The following CTDSP1 variants were observed in gnomAD, a reference collection of about 807,000 sequenced individuals.
CTDSP1 encodes the protein carboxy-terminal domain RNA polymerase II polypeptide A small phosphatase 1.
Under a neutral mutation model 32.5 loss-of-function variants are expected in CTDSP1, and 15 were observed. The observed-to-expected ratio is 0.46, with a 90% CI of 0.31 to 0.71. CTDSP1 has a LOEUF of 0.71. CTDSP1 is among the 30% of genes least tolerant of loss of function. The pLI is 0.05. For missense variants in CTDSP1, 294 were observed against 351.1 expected (o/e 0.84, Z 1.30); for synonymous variants, 185 against 145.4 (o/e 1.27, Z -1.96).
chr2:218,402,259 T>C (rs2106367485), intron 3 of CTDSP1, 44 bp downstream of exon 3: 1 of 1,604,210 alleles, frequency 6.2e-7, no homozygotes, highest in African/African-American at 1.3e-5. Context: ...TCGGGGGGCA[T>C]CCCCCACCCT....
intron 4 of CTDSP1, 114 bp downstream of exon 4, chr2:218,402,519 G>C (rs1697202402): frequency 1.8e-6 from 2 of 1,088,750 alleles, no homozygotes; most frequent in Non-Finnish European, 2.8e-6. Context: ...AATGTCAGAG[G>C]CCCAGAGAGG....
upstream of CTDSP1, chr2:218,398,386 G>A (rs987594032): frequency 1.3e-6 from 2 of 1,533,892 alleles, no homozygotes; most frequent in Non-Finnish European, 1.7e-6. Context: ...CGCCAGCAGC[G>A]TGTGGCGATC....
chr2:218,401,723 G>A lies in CTDSP1; in HGVS notation c.216+11G>A, dbSNP rs761474879. The stretch of plus-strand genomic sequence containing the variant: ...GGCGCCATCCCTAAGGTGCGTGGGG[G>A]CCAGGTGGGGCCACGGGGGCACCTG... On this transcript the variant is annotated intron_variant, in intron 2 of 6. Coordinates refer to ENST00000273062, the MANE Select transcript of CTDSP1 (RefSeq NM_021198.3). 2 of 1,544,700 alleles carry A rather than the reference G, an allele frequency of 1.3e-6. No individual in the cohort carries two copies. The highest frequency in any genetic ancestry group is 1.4e-5 in the African/African-American group (1 of 72,592).
rs1168068647 is a variant in CTDSP1 at position 218,405,904 on chromosome 2, C to T, written c.*1479C>T. The T allele has an allele frequency of 6.5e-6, 1 of 152,898 alleles. No homozygotes were observed. Among genetic ancestry groups the T allele is most frequent in the African/African-American group, 2.4e-5 (1 of 41,446 alleles). The allele number at this position is 152,898 out of a possible 1,614,324, so 9.5% of individuals were successfully genotyped here. On this transcript the variant is annotated 3_prime_UTR_variant, in exon 7 of 7. Coordinates refer to ENST00000273062, the MANE Select transcript of CTDSP1 (RefSeq NM_021198.3). ...AGTGCCTTCTCTGTGACTGAGAGCC[C>T]TAGTGTGATGAGAACTAAAGAGAAA...
At chr2:218,398,594 G>T (rs1574790355), upstream of CTDSP1, 2 of 650,392 alleles carry the variant, frequency 3.1e-6, no homozygotes, top group Non-Finnish European at 4.7e-6. Context: ...CCCGCGCGGG[G>T]CCTCCCCTCC....
At position 218,403,312 on chromosome 2, in the gene CTDSP1, C is replaced by T. The variant is rs746384440; in HGVS notation, c.552C>T (p.His184=). Residue 184 remains histidine, a synonymous_variant, in exon 6 of 7, where the codon CAC becomes CAT. Transcript: ENST00000273062. ...ARLFRESCVF[H]RGNYVKDLSR... ...TGTTTCGAGAGTCCTGCGTCTTCCACCGGGGGAACTACGTGAAGGACCTGA... is the reference window on the plus strand; with the variant it reads ...TGTTTCGAGAGTCCTGCGTCTTCCATCGGGGGAACTACGTGAAGGACCTGA... The T allele has an allele frequency of 6.2e-7, 1 of 1,614,158 alleles. No homozygotes were observed. The highest frequency in any genetic ancestry group is 1.1e-5 in the South Asian group (1 of 91,080).
Position 218,404,581 on chromosome 2 carries a change from TG to T in CTDSP1, c.*157del. ...CTCCCCCACCAGCCCCACCAGGCGG[TG>T]TAGGGGCAGCAGGCTGCACTGAGGA... On this transcript the variant is annotated 3_prime_UTR_variant, in exon 7 of 7. Coordinates refer to ENST00000273062, the MANE Select transcript of CTDSP1 (RefSeq NM_021198.3). 1 of 906,570 alleles carries T rather than the reference TG, an allele frequency of 1.1e-6. No individual in the cohort carries two copies. The highest frequency in any genetic ancestry group is 1.7e-5 in the South Asian group (1 of 59,134). 56.2% of individuals were successfully genotyped at this position (906,570 alleles called of 1,614,324 possible).
chr2:218,404,475 C>T lies in CTDSP1; in HGVS notation c.*50C>T. Reference sequence around the variant, plus strand: ...CCCCTGACCAATGATACCCACACCTCCTCCCAGGAAGACTGCCCAGGCCTT... The same window carrying T: ...CCCCTGACCAATGATACCCACACCTTCTCCCAGGAAGACTGCCCAGGCCTT... On this transcript the variant is annotated 3_prime_UTR_variant, in exon 7 of 7. Transcript: ENST00000273062. 1.9e-6 allele frequency: 3 copies of T among 1,604,384 alleles called. No individual in the cohort carries two copies. The highest frequency in any genetic ancestry group is 1.1e-5 in the South Asian group (1 of 90,658).
chr2:218,399,988 TCCCAC>T lies in CTDSP1; in HGVS notation c.-99_-95del. ...TCCGGAGCTCGCGGGGATCCCTCCC[TCCCAC>T]CCCTCCCCTCCCCCCCGCGCCCCGA... On this transcript the variant is annotated 5_prime_UTR_variant, in exon 1 of 7. Coordinates refer to ENST00000273062, the MANE Select transcript of CTDSP1 (RefSeq NM_021198.3). The T allele has an allele frequency of 7.5e-6, 2 of 267,114 alleles. No homozygotes were observed. Among genetic ancestry groups the T allele is most frequent in the South Asian group, 6.7e-5 (1 of 14,858 alleles). 16.5% of individuals were successfully genotyped at this position (267,114 alleles called of 1,614,324 possible).
At chr2:218,398,722 G>A (rs1696947971), upstream of CTDSP1, 4 of 314,960 alleles carry the variant, frequency 1.3e-5, no homozygotes, top group East Asian at 1.5e-4. Flanking sequence ...GGGGAGGGGA[G>A]GAAGTGCCGA....
At chr2:218,400,307 A>T (rs1174058403) in intron 1 of CTDSP1, 150 bp downstream of exon 1, 20 of 787,154 alleles carry the variant, frequency 2.5e-5, no homozygotes, top group South Asian at 4.4e-5. Flanking sequence ...GCAGGGAGAG[A>T]GTTTGAACTC....
intron 6 of CTDSP1, 62 bp from the exon 7 acceptor site, chr2:218,404,235 G>T: frequency 6.3e-7 from 1 of 1,587,118 alleles, no homozygotes; most frequent in African/African-American, 1.3e-5. Flanking sequence ...CATAGGGCTG[G>T]CCTGGAAATT....
intron 1 of CTDSP1, chr2:218,401,303 C>G (rs1008380722): frequency 3.5e-5 from 19 of 543,846 alleles, no homozygotes; most frequent in Non-Finnish European, 5.9e-5. Context: ...ACCCCAGGAC[C>G]TCCTTCTCCA....
chr2:218,400,920 C>T (rs1208551737), intron 1 of CTDSP1: 1 of 445,468 alleles, frequency 2.2e-6, no homozygotes, highest in African/African-American at 2.1e-5. Flanking sequence ...TCGCCTGGGT[C>T]TGGCTGCCCC....
intron 6 of CTDSP1, 130 bp downstream of exon 6, chr2:218,403,547 T>C: frequency 1.3e-6 from 1 of 773,782 alleles, no homozygotes; most frequent in Non-Finnish European, 2.0e-6. Flanking sequence ...CCTGCATTCA[T>C]TGCCTGTGCC....
In CTDSP1 at chr2:218,403,035, G is replaced by A; in HGVS notation, c.379G>A (p.Val127Ile). 1 of 1,613,712 alleles carries A rather than the reference G, an allele frequency of 6.2e-7. No individual in the cohort carries two copies. Among genetic ancestry groups the A allele is most frequent in the East Asian group, 2.2e-5 (1 of 44,884 alleles). The change falls in exon 5 of 7, where the codon GTC becomes ATC. Residue 127 changes from valine (V) to isoleucine (I), a missense_variant and splice_region_variant. Val to Ile is a conservative substitution (Grantham distance 29). Coordinates refer to ENST00000273062, the MANE Select transcript of CTDSP1 (RefSeq NM_021198.3). The stretch of plus-strand genomic sequence containing the variant: ...GCCCCCTCACTGGCCCGCCCCCCAG[G>A]TCTACGTGTTGAAGCGTCCTCACGT... ...PVEIDGVVHQ[V>I]YVLKRPHVDE...
rs367922997 is a variant in CTDSP1, at chr2:218,404,384, G to A, written c.745G>A (p.Asp249Asn). 18 of 1,614,022 alleles carry A rather than the reference G, an allele frequency of 1.1e-5. No homozygotes were observed. Among genetic ancestry groups the A allele is most frequent in the African/African-American group, 6.7e-5 (5 of 74,934 alleles). Reference sequence around the variant, plus strand: ...CTTCGAGCAACTCAGCCGTGTGGACGACGTGTACTCAGTGCTCAGGCAGCC... The same window carrying A: ...CTTCGAGCAACTCAGCCGTGTGGACAACGTGTACTCAGTGCTCAGGCAGCC... ...PFFEQLSRVDDVYSVLRQPRP... is the reference protein window; with the variant it reads ...PFFEQLSRVDNVYSVLRQPRP... Residue 249 changes from aspartate (D) to asparagine (N), a missense_variant, in exon 7 of 7, where the codon GAC (aspartate) becomes AAC (asparagine). This residue lies in a region of CTDSP1 where 146 missense variants were observed against 237.7 expected (regional missense o/e 0.61). Coordinates refer to ENST00000273062, the MANE Select transcript of CTDSP1 (RefSeq NM_021198.3).
upstream of CTDSP1, among the ~76,000 whole-genome samples, chr2:218,397,882 G>A (rs1696901478): frequency 6.6e-6 from 1 of 152,198 alleles, no homozygotes; most frequent in East Asian, 1.9e-4. Context: ...GAGCCTGGGA[G>A]GAGGAGTTAG....
chr2:218,398,550 G>C, upstream of CTDSP1: 1 of 1,150,374 alleles, frequency 8.7e-7, no homozygotes, highest in East Asian at 3.2e-5. Context: ...GCGCCTTCTG[G>C]CAGACGCCGC....
Sources: gnomAD v4.1 joint callset for allele counts (sites outside exome capture counted in the v4.1 genomes callset) on GRCh38, gnomAD v4.1.1 for gene constraint, gnomAD v4.1.1 regional missense constraint, MANE v1.5 for transcripts, NCBI Gene and HGNC (gene_info 2026-07-23, HGNC 2026-07-21) for gene names.